CLVS1: variants seen among roughly 807,000 people sequenced by gnomAD.
CLVS1 encodes clavesin-1.
CLVS1 carries 10 observed loss-of-function variants against 33.1 expected under a neutral mutation model. The observed-to-expected ratio is 0.30, with a 90% CI of 0.19 to 0.51. The LOEUF (loss-of-function observed/expected upper bound fraction) is 0.51. Ranked by LOEUF, CLVS1 falls within the 20% of genes least tolerant of loss-of-function variation. The pLI is 0.97. For synonymous variants in CLVS1, 163 were observed against 166.1 expected (o/e 0.98, Z 0.14); for missense variants, 343 against 433.4 (o/e 0.79, Z 1.85).
At chr8:60,971,839 C>T in the CLVS1 span, among the ~76,000 whole-genome samples, 1 of 152,104 alleles carries the variant, frequency 6.6e-6, no homozygotes, top group Admixed American at 6.5e-5. Context: ...GTATACATCA[C>T]CCCCACCCCC....
chr8:61,171,716 T>A (rs1320499937), intron 2 of CLVS1, among the ~76,000 whole-genome samples: 3 of 152,180 alleles, frequency 2.0e-5, no homozygotes, highest in African/African-American at 7.2e-5. Flanking sequence ...ATTCCTTATC[T>A]CTTAAGAGCT....
chr8:61,187,694 C>T (rs1807370642), intron 2 of CLVS1, among the ~76,000 whole-genome samples: 1 of 151,672 alleles, frequency 6.6e-6, no homozygotes. Flanking sequence ...TTGCTTGGAC[C>T]AGCTGTCTCA....
chr8:61,307,547 C>G (rs1038844681), intron 2 of CLVS1, among the ~76,000 whole-genome samples: 2 of 152,014 alleles, frequency 1.3e-5, no homozygotes, highest in African/African-American at 4.8e-5. Flanking sequence ...CACCAAGAAA[C>G]TCAGTAATTA....
At chr8:61,259,537 T>C (rs1373831520) in intron 2 of CLVS1, among the ~76,000 whole-genome samples, 1 of 152,202 alleles carries the variant, frequency 6.6e-6, no homozygotes, top group Non-Finnish European at 1.5e-5. Flanking sequence ...TAGAGTTTGA[T>C]TAACTATGGC....
At chr8:61,311,024 G>T (rs1005576258) in intron 2 of CLVS1, among the ~76,000 whole-genome samples, 2 of 152,200 alleles carry the variant, frequency 1.3e-5, no homozygotes, top group African/African-American at 4.8e-5. Flanking sequence ...TAGAGAAGAA[G>T]AGGTCAGACA....
At chr8:61,356,812 T>C (rs977300792) in intron 2 of CLVS1, among the ~76,000 whole-genome samples, 3 of 152,254 alleles carry the variant, frequency 2.0e-5, no homozygotes, top group African/African-American at 4.8e-5. Flanking sequence ...GTTTTGTTAC[T>C]GTAGCCTTGT....
chr8:60,991,480 C>T, the CLVS1 span, among the ~76,000 whole-genome samples: 2 of 152,216 alleles, frequency 1.3e-5, no homozygotes, highest in Admixed American at 1.3e-4. Flanking sequence ...CTCTCATCTC[C>T]TTCCTCACAG....
At chr8:61,442,963 T>C (rs1308569565) in intron 3 of CLVS1, among the ~76,000 whole-genome samples, 2 of 152,246 alleles carry the variant, frequency 1.3e-5, no homozygotes, top group African/African-American at 4.8e-5. Context: ...ATTGTGGTTT[T>C]AACTTGCCTT....
intron 1 of CLVS1, among the ~76,000 whole-genome samples, chr8:61,130,697 TG>T (rs756098070): frequency 2.0e-5 from 3 of 152,264 alleles, no homozygotes; most frequent in Non-Finnish European, 2.9e-5. Flanking sequence ...AAATGTTTTC[TG>T]AAGAGTATTA....
chr8:61,022,691 G>A, the CLVS1 span, among the ~76,000 whole-genome samples: 298 of 152,256 alleles, frequency 2.0e-3, no homozygotes, highest in Non-Finnish European at 3.5e-3. Flanking sequence ...GATTTTTCTG[G>A]ATTCTTTTTG....
At chr8:61,285,768 G>T (rs1201395000), upstream of CLVS1, among the ~76,000 whole-genome samples, 1 of 152,092 alleles carries the variant, frequency 6.6e-6, no homozygotes, top group Admixed American at 6.5e-5. Context: ...GGAATAATGG[G>T]CTTAATACCC....
intron 2 of CLVS1, among the ~76,000 whole-genome samples, chr8:61,315,452 A>G (rs951847514): frequency 6.6e-6 from 1 of 152,122 alleles, no homozygotes; most frequent in Non-Finnish European, 1.5e-5. Flanking sequence ...TGGTGCCCTC[A>G]TCTGAGCTAC....
At chr8:61,058,058 C>T (rs560490169) in intron 1 of CLVS1, among the ~76,000 whole-genome samples, 3 of 152,330 alleles carry the variant, frequency 2.0e-5, no homozygotes, top group African/African-American at 7.2e-5. Flanking sequence ...GAATGTCAGT[C>T]AAAGTGTACA....
intron 1 of CLVS1, among the ~76,000 whole-genome samples, chr8:61,296,744 A>G (rs938955846): frequency 1.3e-5 from 2 of 152,182 alleles, no homozygotes; most frequent in Non-Finnish European, 2.9e-5. Flanking sequence ...CATGTATTCT[A>G]GGTCTATTTA....
chr8:61,365,688 A>G (rs1213047399), intron 2 of CLVS1, among the ~76,000 whole-genome samples: 1 of 152,068 alleles, frequency 6.6e-6, no homozygotes, highest in Admixed American at 6.5e-5. Context: ...AGAAATCTTC[A>G]TGGAATAATT....
chr8:61,015,137 T>G, the CLVS1 span, among the ~76,000 whole-genome samples: 1 of 152,248 alleles, frequency 6.6e-6, no homozygotes, highest in Non-Finnish European at 1.5e-5. Flanking sequence ...AAAGAACATT[T>G]GTGGTTTGGC....
rs948726753 is a variant in CLVS1, at chr8:61,278,644, GTAGATA to G, written c.-151-21020_-151-21015del. Among the ~76,000 whole-genome samples the G allele has an allele frequency of 7.9e-5, 12 of 152,346 alleles. No individual in the cohort carries two copies. The South Asian group carries it at 1.0e-3, about 13-fold the overall frequency. On this transcript the variant is annotated intron_variant, in intron 2 of 2. Transcript: ENST00000522621. ...GGGATTAATGTGTGTGTGTATAGATGTAGATATAGATATAGATAAAATATATTTTTC... is the reference window on the plus strand; with the variant it reads ...GGGATTAATGTGTGTGTGTATAGATGTAGATATAGATAAAATATATTTTTC...
At chr8:61,030,574 T>C in the CLVS1 span, among the ~76,000 whole-genome samples, 1 of 152,190 alleles carries the variant, frequency 6.6e-6, no homozygotes, top group African/African-American at 2.4e-5. Flanking sequence ...AGGCTTCTAT[T>C]AATAGATGAT....
chr8:61,175,409 C>A (rs1807095198), intron 2 of CLVS1, among the ~76,000 whole-genome samples: 1 of 152,206 alleles, frequency 6.6e-6, no homozygotes, highest in African/African-American at 2.4e-5. Flanking sequence ...TGACCTTGGA[C>A]TTCCCAGCCT....
Sources: allele counts gnomAD v4.1 joint callset (sites outside exome capture counted in the v4.1 genomes callset), GRCh38; gene constraint gnomAD v4.1.1; transcripts MANE v1.5; gene names NCBI Gene and HGNC (gene_info 2026-07-23, HGNC 2026-07-21).